The following PALM2AKAP2 variants were observed in gnomAD, a reference collection of about 807,000 sequenced individuals.
PALM2AKAP2 encodes the protein PALM2 and AKAP2 fusion.
A neutral mutation model predicts 71.5 loss-of-function variants in PALM2AKAP2; 37 were observed. That is an observed-to-expected ratio of 0.52 (90% CI 0.40 to 0.68). The LOEUF is 0.68. Ranked by LOEUF, PALM2AKAP2 falls within the 30% of genes least tolerant of loss-of-function variation. The pLI is 0.00. For missense variants in PALM2AKAP2, 1,224 were observed against 1,191.8 expected (o/e 1.03, Z -0.40); for synonymous variants, 468 against 478.8 (o/e 0.98, Z 0.29).
intron 3 of PALM2AKAP2, among the ~76,000 whole-genome samples, chr9:110,168,196 A>C (rs1296103278): frequency 6.6e-5 from 10 of 152,266 alleles, no homozygotes; most frequent in Non-Finnish European, 1.2e-4. Context: ...GTCAAGTAGC[A>C]GATGAATACT....
chr9:109,729,280 G>A (rs1189754537), intron 1 of PALM2AKAP2, among the ~76,000 whole-genome samples: 3 of 152,132 alleles, frequency 2.0e-5, no homozygotes, highest in African/African-American at 7.2e-5. Context: ...CCAACTTGAT[G>A]TGTCCTAAAG....
chr9:109,941,237 G>A (rs932532520), intron 6 of PALM2AKAP2, among the ~76,000 whole-genome samples: 1 of 149,814 alleles, frequency 6.7e-6, no homozygotes, highest in African/African-American at 2.5e-5. Flanking sequence ...ACAGGCTCAG[G>A]CTGTCTTTGG....
At chr9:109,751,502 T>C (rs1382355902) in intron 1 of PALM2AKAP2, among the ~76,000 whole-genome samples, 3 of 152,146 alleles carry the variant, frequency 2.0e-5, no homozygotes. Context: ...ATGCTGTGAT[T>C]TGGCTAGCAT....
intron 1 of PALM2AKAP2, among the ~76,000 whole-genome samples, chr9:109,697,068 G>A (rs901299636): frequency 6.6e-6 from 1 of 151,956 alleles, no homozygotes; most frequent in African/African-American, 2.4e-5. Context: ...TAAATCGCTG[G>A]CATGAGAGTC....
intron 1 of PALM2AKAP2, among the ~76,000 whole-genome samples, chr9:109,827,675 C>A: frequency 6.6e-6 from 1 of 152,104 alleles, no homozygotes; most frequent in Admixed American, 6.6e-5. Context: ...TCCATTCTCC[C>A]CCCAGTAAAC....
intron 1 of PALM2AKAP2, among the ~76,000 whole-genome samples, chr9:110,118,250 T>C (rs1835410287): frequency 6.6e-6 from 1 of 151,424 alleles, no homozygotes; most frequent in South Asian, 2.1e-4. Flanking sequence ...TATTATTTAA[T>C]TTAATTTTGG....
At chr9:110,124,834 A>G (rs2119024289) in intron 1 of PALM2AKAP2, among the ~76,000 whole-genome samples, 1 of 152,298 alleles carries the variant, frequency 6.6e-6, no homozygotes, top group South Asian at 2.1e-4. Flanking sequence ...CATATCTTAC[A>G]AGGGCCATTA....
intron 6 of PALM2AKAP2, among the ~76,000 whole-genome samples, chr9:109,939,311 A>G (rs1341150967): frequency 6.6e-6 from 1 of 152,212 alleles, no homozygotes; most frequent in Admixed American, 6.5e-5. Flanking sequence ...TGATTCTAGA[A>G]CAGGCAAAGA....
In PALM2AKAP2 at chr9:109,829,247, A is replaced by G. The variant is rs555480139; in HGVS notation, c.46-38244A>G. 3.9e-5 allele frequency among the ~76,000 whole-genome samples: 6 copies of G among 152,272 alleles called. No homozygotes were observed. In the East Asian group the frequency reaches 1.2e-3, roughly 29 times the overall value. Reference sequence around the variant, plus strand: ...GGTCAGCGAAACACATACCCTGTGTAATCACCTCCCCTATAAAACCCCATG... The same window carrying G: ...GGTCAGCGAAACACATACCCTGTGTGATCACCTCCCCTATAAAACCCCATG... On this transcript the variant is annotated intron_variant, in intron 1 of 9. Transcript: ENST00000302798.
chr9:110,155,872 G>C (rs1836442108), intron 2 of PALM2AKAP2, among the ~76,000 whole-genome samples: 1 of 152,144 alleles, frequency 6.6e-6, no homozygotes, highest in Non-Finnish European at 1.5e-5. Context: ...AGGAGGCCTG[G>C]GTACCATCAC....
exon 1 of PALM2AKAP2, chr9:110,048,747 T>C: frequency 7.3e-7 from 1 of 1,370,224 alleles, no homozygotes. Flanking sequence ...CCCCGGAGTC[T>C]CCTGGACCCC....
At chr9:109,881,398 G>A (rs183632226) in intron 3 of PALM2AKAP2, among the ~76,000 whole-genome samples, 91 of 152,290 alleles carry the variant, frequency 6.0e-4, no homozygotes, top group Non-Finnish European at 6.3e-4. Flanking sequence ...AGCTGTTATT[G>A]CTGCTGTAGT....
intron 6 of PALM2AKAP2, among the ~76,000 whole-genome samples, chr9:109,985,481 G>C (rs189685273): frequency 4.0e-5 from 6 of 150,842 alleles, no homozygotes; most frequent in Non-Finnish European, 7.4e-5. Context: ...TTAGCCAGGC[G>C]TGGTGGCGGG....
chr9:109,884,866 A>G (rs1376960875), intron 3 of PALM2AKAP2, among the ~76,000 whole-genome samples: 1 of 152,272 alleles, frequency 6.6e-6, no homozygotes, highest in Non-Finnish European at 1.5e-5. Context: ...AATAGAGAAT[A>G]GTAACCAAAG....
At chr9:109,936,015 G>C (rs1199431668) in intron 6 of PALM2AKAP2, among the ~76,000 whole-genome samples, 1 of 152,088 alleles carries the variant, frequency 6.6e-6, no homozygotes, top group Non-Finnish European at 1.5e-5. Context: ...ACTTATTTTT[G>C]TTACTACTGA....
chr9:109,770,378 T>G (rs914330169), intron 1 of PALM2AKAP2, among the ~76,000 whole-genome samples: 28 of 152,192 alleles, frequency 1.8e-4, no homozygotes, highest in African/African-American at 6.5e-4. Context: ...TGTGCACTGC[T>G]CTGAGAAGGA....
intron 1 of PALM2AKAP2, among the ~76,000 whole-genome samples, chr9:109,838,498 G>T (rs1488685803): frequency 2.0e-5 from 3 of 152,180 alleles, no homozygotes; most frequent in African/African-American, 4.8e-5. Flanking sequence ...ACATTCAAAA[G>T]CTAGCAGAAG....
intron 1 of PALM2AKAP2, among the ~76,000 whole-genome samples, chr9:109,804,572 GTTAAT>G (rs1310020758): frequency 6.6e-6 from 1 of 152,110 alleles, no homozygotes; most frequent in African/African-American, 2.4e-5. Flanking sequence ...GGTAGTTGAA[GTTAAT>G]TTGTCAATTT....
intron 1 of PALM2AKAP2, among the ~76,000 whole-genome samples, chr9:109,739,648 C>T (rs1051120158): frequency 6.6e-6 from 1 of 152,198 alleles, no homozygotes; most frequent in African/African-American, 2.4e-5. Context: ...AGACTCCAGG[C>T]CAGTTCTATG....
Sources: gnomAD v4.1 joint callset for allele counts (sites outside exome capture counted in the v4.1 genomes callset) on GRCh38, gnomAD v4.1.1 for gene constraint, MANE v1.5 for transcripts, NCBI Gene and HGNC (gene_info 2026-07-23, HGNC 2026-07-21) for gene names.